GPHN: variants seen among roughly 807,000 people sequenced by gnomAD.
The protein encoded by GPHN is gephyrin.
In GPHN, 17 loss-of-function variants were observed where a neutral mutation model predicts 95.5. That is an observed-to-expected ratio of 0.18 (90% CI 0.12 to 0.27). The LOEUF (loss-of-function observed/expected upper bound fraction) is 0.27, where lower values mean the gene tolerates loss of function less well. Ranked by LOEUF, GPHN falls within the 10% of genes least tolerant of loss-of-function variation. GPHN has a pLI of 1.00. For synonymous variants in GPHN, 320 were observed against 322.5 expected, an observed-to-expected ratio of 0.99 and a Z score of 0.08; for missense variants, 660 against 978.1, an observed-to-expected ratio of 0.67 and a Z score of 4.34.
At chr14:66,839,857 A>C (rs2062004153) in intron 4 of GPHN, among the ~76,000 whole-genome samples, 1 of 152,040 alleles carries the variant, frequency 6.6e-6, no homozygotes, top group Non-Finnish European at 1.5e-5. Flanking sequence ...CCATTTTGCC[A>C]TTTTCAAGAC....
the GPHN span, chr14:67,562,594 G>A: frequency 6.5e-5 from 105 of 1,612,854 alleles, 1 homozygote; most frequent in South Asian, 3.6e-4. Flanking sequence ...CTGGCACCCC[G>A]CGGGACAGCA....
chr14:67,565,645 C>T, the GPHN span, among the ~76,000 whole-genome samples: 1 of 152,272 alleles, frequency 6.6e-6, no homozygotes, highest in African/African-American at 2.4e-5. Flanking sequence ...GGGCAGACAT[C>T]CCCTCCACAG....
intron 9 of GPHN, among the ~76,000 whole-genome samples, chr14:67,007,219 T>C (rs953451177): frequency 6.6e-6 from 1 of 152,200 alleles, no homozygotes; most frequent in African/African-American, 2.4e-5. Context: ...AGTTTCACCT[T>C]GAAAATATAA....
At position 67,057,271 on chromosome 14, in the gene GPHN, T is replaced by C. The variant is rs531921807; in HGVS notation, c.1007-1378T>C. On this transcript the variant is annotated intron_variant, in intron 10 of 22. Coordinates refer to ENST00000478722, the MANE Select transcript of GPHN (RefSeq NM_020806.5). ...AATGCTATGCAGCCGTAAAAAGGAA[T>C]GAGATCATGTCCTTTGCAGGGACAG... 3.3e-5 allele frequency among the ~76,000 whole-genome samples: 5 copies of C among 152,296 alleles called. No individual in the cohort carries two copies. In the South Asian group the frequency reaches 1.0e-3, roughly 32 times the overall value.
At chr14:67,478,396 C>T in the GPHN span, among the ~76,000 whole-genome samples, 1 of 152,238 alleles carries the variant, frequency 6.6e-6, no homozygotes, top group Non-Finnish European at 1.5e-5. Flanking sequence ...CATTACTCTT[C>T]TCATTGCTGC....
At chr14:67,325,284 C>CT in the GPHN span, among the ~76,000 whole-genome samples, 1 of 152,128 alleles carries the variant, frequency 6.6e-6, no homozygotes, top group Non-Finnish European at 1.5e-5. Flanking sequence ...TTTTTTCACT[C>CT]TATGTCTACT....
At chr14:67,135,784 C>G (rs1271650513) in intron 17 of GPHN, among the ~76,000 whole-genome samples, 1 of 151,956 alleles carries the variant, frequency 6.6e-6, no homozygotes, top group Non-Finnish European at 1.5e-5. Flanking sequence ...TTCCTCTTTT[C>G]CCCCCTATCT....
chr14:67,033,847 C>T (rs1428457272), intron 10 of GPHN, among the ~76,000 whole-genome samples: 1 of 152,156 alleles, frequency 6.6e-6, no homozygotes, highest in Non-Finnish European at 1.5e-5. Context: ...AGTAACTCAT[C>T]ATGTACAATG....
chr14:66,837,831 T>C (rs982376881), intron 4 of GPHN, among the ~76,000 whole-genome samples: 1 of 151,848 alleles, frequency 6.6e-6, no homozygotes, highest in African/African-American at 2.4e-5. Context: ...TAAATATATA[T>C]CCTAATTGTA....
chr14:66,718,681 C>A (rs969640931), intron 2 of GPHN, among the ~76,000 whole-genome samples: 3 of 152,070 alleles, frequency 2.0e-5, no homozygotes, highest in African/African-American at 7.2e-5. Context: ...TTACAGTGTG[C>A]TGATTGGTGC....
the GPHN span, among the ~76,000 whole-genome samples, chr14:67,328,326 ATTGT>A: frequency 6.6e-6 from 1 of 151,452 alleles, no homozygotes; most frequent in Non-Finnish European, 1.5e-5. Context: ...TTTTGATGGG[ATTGT>A]TTGATTTTTT....
the GPHN span, among the ~76,000 whole-genome samples, chr14:67,395,778 G>A: frequency 6.6e-6 from 1 of 152,162 alleles, no homozygotes; most frequent in Non-Finnish European, 1.5e-5. Context: ...GCCTCACACT[G>A]CAGCCTTTCC....
chr14:66,694,065 C>T (rs1429767396), intron 2 of GPHN, among the ~76,000 whole-genome samples: 2 of 152,058 alleles, frequency 1.3e-5, no homozygotes, highest in Non-Finnish European at 2.9e-5. Flanking sequence ...TTGCTGTGGT[C>T]TGAATGTATA....
At chr14:66,792,498 A>C (rs1272919184) in intron 3 of GPHN, among the ~76,000 whole-genome samples, 1 of 152,102 alleles carries the variant, frequency 6.6e-6, no homozygotes, top group Non-Finnish European at 1.5e-5. Flanking sequence ...AAAAAAAAAA[A>C]AACTGTCAGT....
intron 12 of GPHN, among the ~76,000 whole-genome samples, chr14:67,091,708 T>G (rs2077154500): frequency 6.6e-6 from 1 of 151,972 alleles, no homozygotes; most frequent in African/African-American, 2.4e-5. Context: ...AAATGGTTGC[T>G]GTTAGCTTTT....
At chr14:67,506,915 C>G in the GPHN span, among the ~76,000 whole-genome samples, 1 of 151,848 alleles carries the variant, frequency 6.6e-6, no homozygotes, top group Non-Finnish European at 1.5e-5. Flanking sequence ...ACACAGGAGG[C>G]AAAGGTTGCA....
At chr14:66,960,908 T>G (rs1009897228) in intron 8 of GPHN, among the ~76,000 whole-genome samples, 3 of 152,120 alleles carry the variant, frequency 2.0e-5, no homozygotes, top group Non-Finnish European at 4.4e-5. Context: ...GTTTTTCACT[T>G]TATCTATTGT....
At chr14:66,586,309 A>G (rs912867448) in intron 1 of GPHN, among the ~76,000 whole-genome samples, 2 of 152,182 alleles carry the variant, frequency 1.3e-5, no homozygotes, top group Non-Finnish European at 2.9e-5. Flanking sequence ...TTTCCTGAAT[A>G]CAGCACACTG....
intron 10 of GPHN, among the ~76,000 whole-genome samples, chr14:67,046,482 A>G (rs1438296918): frequency 6.6e-6 from 1 of 152,198 alleles, no homozygotes; most frequent in Non-Finnish European, 1.5e-5. Flanking sequence ...AGGAAAGCAA[A>G]TAAGGGTTTT....
Sources: gnomAD v4.1 joint callset for allele counts (sites outside exome capture counted in the v4.1 genomes callset) on GRCh38, gnomAD v4.1.1 for gene constraint, MANE v1.5 for transcripts, NCBI Gene and HGNC (gene_info 2026-07-23, HGNC 2026-07-21) for gene names.